TMCO4: variants seen among roughly 807,000 people sequenced by gnomAD.
The protein encoded by TMCO4 is transmembrane and coiled-coil domain-containing protein 4.
TMCO4 carries 58 observed loss-of-function variants against 64.7 expected under a neutral mutation model. The observed-to-expected ratio is 0.90, with a 90% CI of 0.73 to 1.12. The LOEUF (loss-of-function observed/expected upper bound fraction) is 1.12, where lower values mean the gene tolerates loss of function less well. Among genes scored for constraint, TMCO4 ranks in the 50% most tolerant of loss-of-function variants. The pLI is 0.00. For synonymous variants in TMCO4, 325 were observed against 346.1 expected (o/e 0.94, Z 0.68); for missense variants, 780 against 825.9 (o/e 0.94, Z 0.68).
rs1435936087 is a variant in TMCO4 at position 19,734,607 on chromosome 1, G to GA, written c.1264+2764_1264+2765insT. Among the ~76,000 whole-genome samples, 1 of 151,976 alleles carries GA rather than the reference G, an allele frequency of 6.6e-6. No homozygotes were observed. The highest frequency in any genetic ancestry group is 1.5e-5 in the Non-Finnish European group (1 of 67,980). On this transcript the variant is annotated intron_variant, in intron 13 of 15. Transcript: ENST00000294543. The surrounding 1 kb of genome is among the most constrained non-coding windows in gnomAD (Gnocchi z 4.4). ...AGCATTTCCCACCAACCCACCTGGG[G>GA]GGCCTCTTACGTGGGCTGCAGAGAC...
At chr1:19,704,063 T>A (rs1480726754) in intron 13 of TMCO4, among the ~76,000 whole-genome samples, 1 of 152,218 alleles carries the variant, frequency 6.6e-6, no homozygotes, top group Non-Finnish European at 1.5e-5. Flanking sequence ...TGGGCTTCCA[T>A]GTCAGAGTTT....
chr1:19,795,690 G>A (rs888749169), intron 2 of TMCO4, among the ~76,000 whole-genome samples: 64 of 152,134 alleles, frequency 4.2e-4, no homozygotes, highest in African/African-American at 1.3e-3. Flanking sequence ...GTCACTGGAC[G>A]AGTCATGTGG....
chr1:19,690,864 C>CTTTTT (rs1557451893), intron 15 of TMCO4, among the ~76,000 whole-genome samples: 1 of 99,084 alleles, frequency 1.0e-5, no homozygotes. Flanking sequence ...TCTGTGAAGA[C>CTTTTT]TCTTTTTTTT....
chr1:19,697,874 A>G lies in TMCO4; in HGVS notation c.1382+2894T>C, dbSNP rs191487153. On this transcript the variant is annotated intron_variant, in intron 14 of 15. Transcript: ENST00000294543. Reference sequence around the variant, plus strand: ...AGCGATCCTCCTGCCTTGGCCTCCCAAAGTGCTGGGATTACAGGTGTGAGC... The same window carrying G: ...AGCGATCCTCCTGCCTTGGCCTCCCGAAGTGCTGGGATTACAGGTGTGAGC... Among the ~76,000 whole-genome samples the G allele has an allele frequency of 7.1e-4, 107 of 150,820 alleles. 1 individual carries two copies. In the East Asian group the frequency reaches 0.014, roughly 20 times the overall value.
At chr1:19,699,486 C>CATACATATAT (rs1205975029) in intron 14 of TMCO4, among the ~76,000 whole-genome samples, 14 of 136,412 alleles carry the variant, frequency 1.0e-4, no homozygotes, top group African/African-American at 3.8e-4. Context: ...TTTTCATATA[C>CATACATATAT]ATATATATAT....
intron 10 of TMCO4, 155 bp downstream of exon 10, chr1:19,745,377 G>T: frequency 8.5e-7 from 1 of 1,176,410 alleles, no homozygotes; most frequent in Non-Finnish European, 1.2e-6. Context: ...ACAGATGTGA[G>T]ATGAAGTTGC....
At chr1:19,689,561 TCA>T (rs1490943793) in intron 15 of TMCO4, among the ~76,000 whole-genome samples, 1 of 152,162 alleles carries the variant, frequency 6.6e-6, no homozygotes, top group Non-Finnish European at 1.5e-5. Flanking sequence ...TGGCCCAAGG[TCA>T]CACAGCCAGT....
chr1:19,689,191 C>T (rs1369317395), intron 15 of TMCO4, among the ~76,000 whole-genome samples: 1 of 152,224 alleles, frequency 6.6e-6, no homozygotes, highest in Non-Finnish European at 1.5e-5. Flanking sequence ...CCAGCAACTT[C>T]TCCAGCAAAG....
chr1:19,686,299 G>A (rs571787067), intron 15 of TMCO4, among the ~76,000 whole-genome samples: 22 of 152,202 alleles, frequency 1.4e-4, no homozygotes, highest in African/African-American at 5.1e-4. Flanking sequence ...CCAAAGATGC[G>A]CATGAGACCG....
intron 13 of TMCO4, among the ~76,000 whole-genome samples, chr1:19,714,102 A>G (rs1165408014): frequency 1.3e-5 from 2 of 150,458 alleles, no homozygotes; most frequent in South Asian, 4.2e-4. Context: ...ACATCTAACT[A>G]ATTTTTATAT....
chr1:19,694,365 G>C, intron 15 of TMCO4, 69 bp downstream of exon 15: 2 of 1,387,002 alleles, frequency 1.4e-6, no homozygotes, highest in East Asian at 2.3e-5. Context: ...TGTCTCCAGG[G>C]GACAGGGGTG....
intron 4 of TMCO4, among the ~76,000 whole-genome samples, chr1:19,780,157 G>A (rs567530522): frequency 1.6e-4 from 25 of 152,222 alleles, no homozygotes; most frequent in African/African-American, 5.1e-4. Flanking sequence ...CCTCGCGTGC[G>A]CAGTTCACGA....
intron 6 of TMCO4, among the ~76,000 whole-genome samples, chr1:19,763,276 A>G (rs2042586081): frequency 6.6e-6 from 1 of 152,068 alleles, no homozygotes; most frequent in Non-Finnish European, 1.5e-5. Context: ...GGGTTTCACC[A>G]TGTTGCCCAG....
intron 2 of TMCO4, 119 bp from the exon 3 acceptor site, chr1:19,787,236 G>T (rs532421167): frequency 6.6e-6 from 1 of 152,312 alleles, no homozygotes; most frequent in Admixed American, 6.5e-5. Context: ...GCACTGCACC[G>T]TCGCTCCCCT....
At chr1:19,717,767 C>T (rs2095363399) in intron 13 of TMCO4, among the ~76,000 whole-genome samples, 1 of 152,134 alleles carries the variant, frequency 6.6e-6, no homozygotes. Flanking sequence ...AAGGCTCCTC[C>T]TTTGAACTGC....
At position 19,682,315 on chromosome 1, in the gene TMCO4, A is replaced by G. The variant is rs2095108408; in HGVS notation, c.*725T>C. 2 of 286,366 alleles carry G rather than the reference A, an allele frequency of 7.0e-6. No homozygotes were observed. The highest frequency in any genetic ancestry group is 4.2e-5 in the African/African-American group (2 of 47,498). 17.7% of individuals were successfully genotyped at this position (286,366 alleles called of 1,614,324 possible). A position where few individuals can be genotyped will look rare whatever the true frequency, so the allele number is the denominator to read the frequency against. On this transcript the variant is annotated 3_prime_UTR_variant, in exon 16 of 16. Coordinates refer to ENST00000294543, the MANE Select transcript of TMCO4 (RefSeq NM_181719.7). ...AGGAAATTCTTTCCATGTAAAATTCATTCTTGTCCCCAGGCCTAGTTCACA... is the reference window on the plus strand; with the variant it reads ...AGGAAATTCTTTCCATGTAAAATTCGTTCTTGTCCCCAGGCCTAGTTCACA...
At chr1:19,726,127 C>G (rs750169413) in intron 13 of TMCO4, among the ~76,000 whole-genome samples, 13 of 152,336 alleles carry the variant, frequency 8.5e-5, no homozygotes, top group Admixed American at 2.6e-4. Flanking sequence ...ACAGACAGTG[C>G]CTGGTGATCG....
intron 13 of TMCO4, among the ~76,000 whole-genome samples, chr1:19,712,797 C>T (rs1034867923): frequency 6.6e-6 from 1 of 152,156 alleles, no homozygotes; most frequent in Non-Finnish European, 1.5e-5. Context: ...TAGCTATTGG[C>T]GTGTGACAAA....
intron 6 of TMCO4, among the ~76,000 whole-genome samples, chr1:19,767,919 C>T (rs976703662): frequency 3.1e-4 from 47 of 151,966 alleles, no homozygotes; most frequent in African/African-American, 1.1e-3. Flanking sequence ...TGGTGAAACC[C>T]CATCTCTACT....
Sources: gnomAD v4.1 joint callset for allele counts (sites outside exome capture counted in the v4.1 genomes callset) on GRCh38, gnomAD v4.1.1 for gene constraint, Gnocchi (gnomAD v3.1) non-coding constraint, MANE v1.5 for transcripts, NCBI Gene and HGNC (gene_info 2026-07-23, HGNC 2026-07-21) for gene names.